The following CCDC192 variants were observed in gnomAD, a reference collection of about 807,000 sequenced individuals.
CCDC192 encodes the protein coiled-coil domain-containing protein 192.
At chr5:127,884,839 T>C (rs1752502817) in intron 6 of CCDC192, among the ~76,000 whole-genome samples, 1 of 152,178 alleles carries the variant, frequency 6.6e-6, no homozygotes, top group Non-Finnish European at 1.5e-5. Context: ...TCTTCTTTTT[T>C]CTCCCTATCA....
intron 5 of CCDC192, among the ~76,000 whole-genome samples, chr5:127,803,116 T>C (rs985643456): frequency 5.9e-5 from 9 of 152,218 alleles, no homozygotes. Flanking sequence ...ACGTAATGTC[T>C]TGGCTTGCTT....
intron 2 of CCDC192, 24 bp downstream of exon 2, chr5:127,707,784 T>C (rs1203162026): frequency 7.5e-6 from 3 of 398,328 alleles, no homozygotes; most frequent in Non-Finnish European, 1.3e-5. Flanking sequence ...TTTGTATGAA[T>C]TCTTTATTTA....
chr5:127,776,747 C>G (rs900592192), intron 3 of CCDC192, among the ~76,000 whole-genome samples: 2 of 152,204 alleles, frequency 1.3e-5, no homozygotes, highest in Non-Finnish European at 2.9e-5. Flanking sequence ...ATTCCAGCCA[C>G]TCCAGTCATG....
At chr5:127,728,185 T>C (rs1001730698) in intron 2 of CCDC192, among the ~76,000 whole-genome samples, 1 of 151,824 alleles carries the variant, frequency 6.6e-6, no homozygotes, top group African/African-American at 2.4e-5. Context: ...AGTTAGGAAA[T>C]CCAGAGAACC....
intron 3 of CCDC192, chr5:127,786,325 C>A: frequency 1.6e-6 from 1 of 627,256 alleles, no homozygotes; most frequent in Non-Finnish European, 2.9e-6. Context: ...GACATAAAAT[C>A]TCTCTGTGAC....
At chr5:127,706,735 G>T (rs774121185) in intron 1 of CCDC192, among the ~76,000 whole-genome samples, 1 of 152,076 alleles carries the variant, frequency 6.6e-6, no homozygotes, top group Non-Finnish European at 1.5e-5. Context: ...TTTCAGTTGG[G>T]AGATGACACA....
chr5:127,905,534 C>T (rs1207290413), intron 6 of CCDC192, among the ~76,000 whole-genome samples: 2 of 152,144 alleles, frequency 1.3e-5, no homozygotes, highest in Admixed American at 6.5e-5. Flanking sequence ...GCTTTCATGT[C>T]AAGTTCACAA....
At chr5:127,928,043 T>C (rs1208476233) in intron 6 of CCDC192, among the ~76,000 whole-genome samples, 1 of 148,560 alleles carries the variant, frequency 6.7e-6, no homozygotes, top group Admixed American at 6.8e-5. Flanking sequence ...TTCTCCTGCC[T>C]CAGCCTCCTG....
chr5:127,919,261 T>A (rs77718709), intron 6 of CCDC192, among the ~76,000 whole-genome samples: 61 of 152,244 alleles, frequency 4.0e-4, no homozygotes, highest in African/African-American at 1.4e-3. Flanking sequence ...TCTCTGACAA[T>A]ATCTGAAGAG....
At chr5:127,713,688 AT>A (rs899867420) in intron 2 of CCDC192, among the ~76,000 whole-genome samples, 9 of 152,022 alleles carry the variant, frequency 5.9e-5, no homozygotes, top group African/African-American at 2.2e-4. Flanking sequence ...ACTTTTAGGG[AT>A]TTTTTCCTGT....
intron 2 of CCDC192, among the ~76,000 whole-genome samples, chr5:127,750,315 C>G (rs970884272): frequency 2.6e-5 from 4 of 152,154 alleles, no homozygotes; most frequent in Non-Finnish European, 5.9e-5. Context: ...TATGTTGTGT[C>G]TTTGTTCACA....
Position 127,836,981 on chromosome 5 carries a change from A to G in CCDC192, c.412-38557A>G, listed in dbSNP as rs189383524. On this transcript the variant is annotated intron_variant, in intron 5 of 6. Transcript: ENST00000514853. Reference sequence around the variant, plus strand: ...AGAAAGTGGGCTTTTCTTTTCTACTATATGGTCATGCTGCAAATATTCTAA... The same window carrying G: ...AGAAAGTGGGCTTTTCTTTTCTACTGTATGGTCATGCTGCAAATATTCTAA... Among the ~76,000 whole-genome samples the G allele has an allele frequency of 1.3e-3, 104 of 81,774 alleles. 40 individuals are homozygous for G. The highest frequency in any genetic ancestry group is 2.6e-4 in the Non-Finnish European group (9 of 34,140). The allele number at this position is 81,774 out of a possible 152,430, so 53.6% of individuals were successfully genotyped here. A position where few individuals can be genotyped will look rare whatever the true frequency, so the allele number is the denominator to read the frequency against.
intron 6 of CCDC192, among the ~76,000 whole-genome samples, chr5:127,892,017 A>G (rs893115021): frequency 4.6e-5 from 7 of 152,234 alleles, no homozygotes; most frequent in Admixed American, 6.5e-5. Flanking sequence ...AGGCAGAAGT[A>G]CTGTCTTTTT....
At chr5:127,798,634 T>C (rs1375600714) in intron 5 of CCDC192, among the ~76,000 whole-genome samples, 2 of 152,092 alleles carry the variant, frequency 1.3e-5, no homozygotes, top group African/African-American at 4.8e-5. Context: ...TTTGCACTTT[T>C]TGGTGATTCT....
At chr5:127,826,236 C>T (rs895754786) in intron 5 of CCDC192, among the ~76,000 whole-genome samples, 1 of 152,034 alleles carries the variant, frequency 6.6e-6, no homozygotes, top group Non-Finnish European at 1.5e-5. Flanking sequence ...AGTGAGATAC[C>T]ATCTCACACG....
At chr5:127,727,958 T>G (rs1752428165) in intron 2 of CCDC192, among the ~76,000 whole-genome samples, 1 of 152,020 alleles carries the variant, frequency 6.6e-6, no homozygotes, top group African/African-American at 2.4e-5. Context: ...TGGAAGACTA[T>G]CTTGCTGAAA....
At chr5:127,800,579 G>A (rs1455191384) in intron 5 of CCDC192, among the ~76,000 whole-genome samples, 4 of 151,932 alleles carry the variant, frequency 2.6e-5, no homozygotes, top group Admixed American at 6.6e-5. Context: ...GCTGGTACAC[G>A]GCATCAAACT....
At chr5:127,711,213 A>G (rs897374204) in intron 2 of CCDC192, among the ~76,000 whole-genome samples, 1 of 152,218 alleles carries the variant, frequency 6.6e-6, no homozygotes, top group African/African-American at 2.4e-5. Context: ...ATGGGTATGA[A>G]TTCATTAGCT....
At chr5:127,918,718 A>T (rs1216917144) in intron 6 of CCDC192, among the ~76,000 whole-genome samples, 1 of 152,192 alleles carries the variant, frequency 6.6e-6, no homozygotes. Context: ...GGCAGTGAAC[A>T]GCTTTGCGTT....
Sources: gnomAD v4.1 joint callset for allele counts (sites outside exome capture counted in the v4.1 genomes callset) on GRCh38, gnomAD v4.1.1 for gene constraint, MANE v1.5 for transcripts, NCBI Gene and HGNC (gene_info 2026-07-23, HGNC 2026-07-21) for gene names.